The following PCNT variants were observed in gnomAD, a reference collection of about 807,000 sequenced individuals.
PCNT encodes pericentrin.
A neutral mutation model predicts 380.4 loss-of-function variants in PCNT; 319 were observed. That is an observed-to-expected ratio of 0.84 (90% CI 0.77 to 0.92). The LOEUF is 0.92. PCNT is among the 40% of genes least tolerant of loss of function. The probability of loss-of-function intolerance (pLI) is 0.00; values close to 1 mark genes in which losing one functional copy is unlikely to be tolerated. For missense variants in PCNT, 4,400 were observed against 4,255.3 expected (o/e 1.03, Z -0.95); for synonymous variants, 1,845 against 1,735.2 (o/e 1.06, Z -1.57).
At chr21:46,396,545 A>C (rs1447622137) in intron 21 of PCNT, among the ~76,000 whole-genome samples, 4 of 152,174 alleles carry the variant, frequency 2.6e-5, no homozygotes, top group Non-Finnish European at 5.9e-5. Flanking sequence ...CTGGCAGTTA[A>C]ATTTCAACAT....
At position 46,357,026 on chromosome 21, in the gene PCNT, C is replaced by T. The variant is rs1249105358; in HGVS notation, c.1989C>T (p.Asp663=). Residue 663 remains aspartate (D), a synonymous_variant, in exon 13 of 47, where the codon GAC becomes GAT. Coordinates refer to ENST00000359568, the MANE Select transcript of PCNT (RefSeq NM_006031.6). ...TGCAGGACGGGGACTTGGAGGCCGA[C>T]ACAGAGCGGGCAGCCAGAGTCTTGG... ...QGVQDGDLEA[D]TERAARVLGL... is the part of the protein sequence containing the mutation. The T allele has an allele frequency of 4.3e-6, 7 of 1,614,208 alleles. No individual in the cohort carries two copies. In the East Asian group the frequency reaches 8.9e-5, roughly 21 times the overall value.
intron 30 of PCNT, among the ~76,000 whole-genome samples, chr21:46,417,105 CCAGA>C (rs2087057124): frequency 6.6e-6 from 1 of 152,088 alleles, no homozygotes. Context: ...CGGGCATAGC[CCAGA>C]CACGTCTTCG....
At chr21:46,413,396 G>A (rs1438770826) in intron 29 of PCNT, among the ~76,000 whole-genome samples, 1 of 152,208 alleles carries the variant, frequency 6.6e-6, no homozygotes, top group Non-Finnish European at 1.5e-5. Flanking sequence ...GGAGAGGCTG[G>A]GTGCAGAACA....
chr21:46,334,895 CAT>C (rs1299566267), intron 3 of PCNT, 127 bp downstream of exon 3: 2 of 1,455,792 alleles, frequency 1.4e-6, no homozygotes, highest in East Asian at 2.4e-5. Context: ...AAACTGGAAG[CAT>C]AGAGAGCTGG....
At position 46,431,382 on chromosome 21, in the gene PCNT, A is replaced by T. The variant is rs1424113961; in HGVS notation, c.8065-147A>T. 2.0e-6 allele frequency: 3 copies of T among 1,480,932 alleles called. No homozygotes were observed. In the East Asian group the frequency reaches 7.3e-5, roughly 36 times the overall value. The allele number at this position is 1,480,932 out of a possible 1,614,324, so 91.7% of individuals were successfully genotyped here. A position where few individuals can be genotyped will look rare whatever the true frequency, so the allele number is the denominator to read the frequency against. On this transcript the variant is annotated intron_variant, in intron 37 of 46. Transcript: ENST00000359568. Reference sequence around the variant, plus strand: ...TTGTTACTTGATGAACTAACAAAAAAATGTTGTCCCTACATGTGGCTAATA... The same window carrying T: ...TTGTTACTTGATGAACTAACAAAAATATGTTGTCCCTACATGTGGCTAATA...
Position 46,431,953 on chromosome 21 carries a change from G to T in PCNT, c.8489G>T (p.Cys2830Phe). Residue 2830 changes from cysteine to phenylalanine, a missense_variant, in exon 38 of 47, where the codon TGT (cysteine) becomes TTT (phenylalanine). Physicochemically the swap from Cys to Phe is radical, Grantham distance 205. Transcript: ENST00000359568. Reference sequence around the variant, plus strand: ...CTTGAGGCTGAGGCTCAGAAGCACTGTGAGGCGCTCAGGAGAGAGAAGGAG... The same window carrying T: ...CTTGAGGCTGAGGCTCAGAAGCACTTTGAGGCGCTCAGGAGAGAGAAGGAG... Reference protein sequence around the residue: ...QQLEAEAQKHCEALRREKEVS... With the variant: ...QQLEAEAQKHFEALRREKEVS... The T allele has an allele frequency of 6.2e-7, 1 of 1,614,082 alleles. No individual in the cohort carries two copies.
rs771110834 is a variant in PCNT at position 46,431,784 on chromosome 21, A to G, written c.8320A>G (p.Arg2774Gly). Residue 2774 changes from arginine to glycine, a missense_variant, in exon 38 of 47, where the codon AGG becomes GGG. Transcript: ENST00000359568. The stretch of plus-strand genomic sequence containing the variant: ...GCTCCTGACCGAGCAGCTGAGCCAG[A>G]GGACACAGGAGGCTTGCGTGCACCA... ...ERLLTEQLSQ[R>G]TQEACVHQDT... 2 of 1,613,342 alleles carry G rather than the reference A, an allele frequency of 1.2e-6. No homozygotes were observed. Among genetic ancestry groups the G allele is most frequent in the South Asian group, 1.1e-5 (1 of 91,088 alleles).
intron 3 of PCNT, among the ~76,000 whole-genome samples, chr21:46,336,611 G>A (rs1358633034): frequency 1.7e-4 from 26 of 151,938 alleles, no homozygotes; most frequent in Admixed American, 1.3e-3. Context: ...TTCTGAGTCC[G>A]CTGTTTCTCC....
intron 27 of PCNT, among the ~76,000 whole-genome samples, chr21:46,403,981 C>T (rs1303478694): frequency 3.5e-5 from 5 of 142,552 alleles, no homozygotes; most frequent in African/African-American, 7.6e-5. Flanking sequence ...GTGGTGCCCA[C>T]GCGGCGCGTG....
At position 46,408,512 on chromosome 21, in the gene PCNT, C is replaced by A. The variant is rs1569265107; in HGVS notation, c.5116-2677C>A. ...TATAGTTGCACTACCGTTTTACATT[C>A]CACCAGCAATAGATGAGTGTTCCGG... On this transcript the variant is annotated intron_variant, in intron 27 of 46. Coordinates refer to ENST00000359568, the MANE Select transcript of PCNT (RefSeq NM_006031.6). Among the ~76,000 whole-genome samples, 4 of 152,326 alleles carry A rather than the reference C, an allele frequency of 2.6e-5. No homozygotes were observed. In the South Asian group the frequency reaches 8.3e-4, roughly 32 times the overall value.
In PCNT at chr21:46,399,654, AAG is replaced by A; in HGVS notation, c.4652_4653del (p.Glu1551ValfsTer4). 1 of 1,614,000 alleles carries A rather than the reference AAG, an allele frequency of 6.2e-7. No homozygotes were observed. The highest frequency in any genetic ancestry group is 8.5e-7 in the Non-Finnish European group (1 of 1,179,832). ...GAATTTAATGAATTGGCTATACAGAAAGAGTCGGCAGATAGACAAGTGTTAAT... is the reference window on the plus strand; with the variant it reads ...GAATTTAATGAATTGGCTATACAGAAAGTCGGCAGATAGACAAGTGTTAAT... On this transcript the variant is annotated frameshift_variant, in exon 25 of 47. Transcript: ENST00000359568. LOFTEE classifies it high-confidence loss of function.
In PCNT at chr21:46,411,186, C is replaced by T. The variant is rs554862288; in HGVS notation, c.5116-3C>T. The T allele has an allele frequency of 4.4e-5, 71 of 1,613,714 alleles. 1 individual carries two copies. In the South Asian group the frequency reaches 7.7e-4, roughly 17 times the overall value. ...TTGCCTCTGAAATGTCCTCTCTCTT[C>T]AGGTCATATATACCAGAAGTTCTGA... On this transcript the variant is annotated splice_polypyrimidine_tract_variant and splice_region_variant and intron_variant, in intron 27 of 46. Transcript: ENST00000359568.
chr21:46,338,507 A>G (rs1007159841), intron 3 of PCNT, among the ~76,000 whole-genome samples: 23 of 152,020 alleles, frequency 1.5e-4, no homozygotes, highest in African/African-American at 5.3e-4. Flanking sequence ...GCTGGTTAGT[A>G]CTTCATTGTG....
rs372282960 is a variant in PCNT, at chr21:46,363,770, G to T, written c.2445G>T (p.Thr815=). 6.2e-7 allele frequency: 1 copy of T among 1,613,902 alleles called. No homozygotes were observed. Residue 815 remains threonine, a synonymous_variant, in exon 14 of 47, where the codon ACG becomes ACT. Transcript: ENST00000359568. ...TCCTGGATCTGGAGAGGTCCTTGAC[G>T]GAGCAGCAGGGCCGCCTGCAGCAGC... ...AQILDLERSL[T]EQQGRLQQLE...
intron 12 of PCNT, 60 bp from the exon 13 acceptor site, chr21:46,356,914 G>T (rs2084500244): frequency 6.9e-6 from 10 of 1,458,978 alleles, no homozygotes; most frequent in Non-Finnish European, 4.8e-6. Context: ...TGTGCGGACT[G>T]TGGGCTCCAT....
intron 15 of PCNT, among the ~76,000 whole-genome samples, chr21:46,367,452 C>T (rs1435012383): frequency 2.6e-5 from 4 of 152,034 alleles, no homozygotes; most frequent in Non-Finnish European, 5.9e-5. Flanking sequence ...GGATTATAGG[C>T]GCCTGCCACC....
At chr21:46,376,431 C>G (rs1283451879) in intron 15 of PCNT, among the ~76,000 whole-genome samples, 1 of 152,216 alleles carries the variant, frequency 6.6e-6, no homozygotes, top group Non-Finnish European at 1.5e-5. Flanking sequence ...CCCTCGGGCC[C>G]CACAGGCTGA....
At chr21:46,431,452 C>T (rs2087758448) in intron 37 of PCNT, 77 bp from the exon 38 acceptor site, 2 of 1,611,466 alleles carry the variant, frequency 1.2e-6, no homozygotes, top group South Asian at 2.2e-5. Flanking sequence ...AGTATATAAA[C>T]AAATGTGGAC....
chr21:46,360,562 A>AGG (rs1365592772), intron 13 of PCNT, among the ~76,000 whole-genome samples: 1 of 123,420 alleles, frequency 8.1e-6, no homozygotes, highest in Non-Finnish European at 1.6e-5. Context: ...TCTGTCGCCC[A>AGG]GGCTGGAGTG....
Sources: allele counts gnomAD v4.1 joint callset (sites outside exome capture counted in the v4.1 genomes callset), GRCh38; gene constraint gnomAD v4.1.1; transcripts MANE v1.5; gene names NCBI Gene and HGNC (gene_info 2026-07-23, HGNC 2026-07-21).